The following ALG14 variants were observed in gnomAD, a reference collection of about 807,000 sequenced individuals.
ALG14 encodes UDP-N-acetylglucosamine transferase subunit ALG14.
Under a neutral mutation model 22.8 loss-of-function variants are expected in ALG14, and 17 were observed. That is an observed-to-expected ratio of 0.75 (90% CI 0.51 to 1.12). ALG14 has a LOEUF of 1.12. Ranked by LOEUF, ALG14 falls within the 50% of genes most tolerant of loss-of-function variation. The pLI, the probability that ALG14 is intolerant of heterozygous loss-of-function variation, is 0.00. For synonymous variants in ALG14, 89 were observed against 103.7 expected, an observed-to-expected ratio of 0.86 and a Z score of 0.86; for missense variants, 288 against 271.8, an observed-to-expected ratio of 1.06 and a Z score of -0.42.
intron 2 of ALG14, among the ~76,000 whole-genome samples, chr1:95,057,263 A>G (rs1196699336): frequency 6.6e-6 from 1 of 151,684 alleles, no homozygotes; most frequent in Non-Finnish European, 1.5e-5. Context: ...ACACACAGTT[A>G]GTCCTCCAGA....
intron 3 of ALG14, among the ~76,000 whole-genome samples, chr1:95,011,128 A>G (rs904986994): frequency 6.6e-6 from 1 of 152,192 alleles, no homozygotes; most frequent in Non-Finnish European, 1.5e-5. Flanking sequence ...CCTGCTATGG[A>G]CTGAATATCT....
intron 3 of ALG14, among the ~76,000 whole-genome samples, chr1:95,007,518 C>T (rs1038940482): frequency 6.6e-6 from 1 of 152,218 alleles, no homozygotes; most frequent in African/African-American, 2.4e-5. Flanking sequence ...TAGTGAACCT[C>T]GGCTTTAGCC....
Position 95,071,087 on chromosome 1 carries a change from A to T in ALG14, c.136+1676T>A, listed in dbSNP as rs547060486. Among the ~76,000 whole-genome samples, 4 of 152,262 alleles carry T rather than the reference A, an allele frequency of 2.6e-5. No homozygotes were observed. In the East Asian group the frequency reaches 7.7e-4, roughly 29 times the overall value. On this transcript the variant is annotated intron_variant, in intron 1 of 3. Coordinates refer to ENST00000370205, the MANE Select transcript of ALG14 (RefSeq NM_144988.4). ...TATTTAATCTCTCCTGTCCTCTCTC[A>T]ACCCATGTAGAAACAGAAGGTTCAG...
At chr1:94,987,928 G>T (rs1337572225) in intron 3 of ALG14, among the ~76,000 whole-genome samples, 28 of 152,182 alleles carry the variant, frequency 1.8e-4, no homozygotes, top group Non-Finnish European at 2.9e-5. Context: ...CCAACTCTAA[G>T]GCACTGGCCC....
chr1:95,012,108 T>C (rs1448738267), intron 3 of ALG14, among the ~76,000 whole-genome samples: 1 of 152,234 alleles, frequency 6.6e-6, no homozygotes, highest in African/African-American at 2.4e-5. Flanking sequence ...TCTGCTGCCA[T>C]GTAAAACGTG....
chr1:94,985,378 T>C (rs1672616227), intron 3 of ALG14, among the ~76,000 whole-genome samples: 1 of 152,214 alleles, frequency 6.6e-6, no homozygotes, highest in Non-Finnish European at 1.5e-5. Context: ...ATCCCTGGCC[T>C]CTACCCACAA....
At position 94,977,519 on chromosome 1, in the gene ALG14, T is replaced by A. The variant is rs1427769002; in HGVS notation, c.*5557A>T. On this transcript the variant is annotated 3_prime_UTR_variant, in exon 4 of 4. Coordinates refer to ENST00000370205, the MANE Select transcript of ALG14 (RefSeq NM_144988.4). ...GTATAGTTTTCCAGATGCTACAAGA[T>A]GTGTGATGATATTGTTCTGACAGCC... 6.6e-6 allele frequency: 1 copy of A among 152,242 alleles called. No homozygotes were observed. The highest frequency in any genetic ancestry group is 1.5e-5 in the Non-Finnish European group (1 of 68,034). The allele number at this position is 152,242 out of a possible 1,614,324, so 9.4% of individuals were successfully genotyped here.
chr1:95,021,040 A>T (rs1456910307), intron 3 of ALG14, among the ~76,000 whole-genome samples: 1 of 152,230 alleles, frequency 6.6e-6, no homozygotes, highest in Admixed American at 6.5e-5. Flanking sequence ...AATATTTAAC[A>T]CTTTAGAAAC....
At chr1:95,026,152 T>C (rs1226427455) in intron 3 of ALG14, among the ~76,000 whole-genome samples, 1 of 152,166 alleles carries the variant, frequency 6.6e-6, no homozygotes, top group Non-Finnish European at 1.5e-5. Flanking sequence ...CAGGATGGCC[T>C]TGATCTCCTA....
rs530373443 is a variant in ALG14 at position 94,987,813 on chromosome 1, C to T, written c.421-4507G>A. On this transcript the variant is annotated intron_variant, in intron 3 of 3. Transcript: ENST00000370205. The stretch of plus-strand genomic sequence containing the variant: ...GGGTTGGTTTGTAGGTCAGAGATCA[C>T]GGAGTTGAGGGTGACCCGAGAGAGC... Among the ~76,000 whole-genome samples, 53 of 152,216 alleles carry T rather than the reference C, an allele frequency of 3.5e-4. 1 individual carries two copies. The highest frequency in any genetic ancestry group is 1.2e-3 in the African/African-American group (51 of 41,526).
chr1:95,057,157 T>A (rs560897241), intron 2 of ALG14, among the ~76,000 whole-genome samples: 2 of 150,140 alleles, frequency 1.3e-5, no homozygotes, highest in African/African-American at 4.9e-5. Context: ...TAAATAAATA[T>A]ATATATACAT....
At chr1:95,029,284 T>G (rs183501558) in intron 2 of ALG14, among the ~76,000 whole-genome samples, 2 of 152,354 alleles carry the variant, frequency 1.3e-5, no homozygotes, top group Admixed American at 1.3e-4. Context: ...ATAGGGCTCC[T>G]TAATTAAGTG....
intron 2 of ALG14, among the ~76,000 whole-genome samples, chr1:95,028,756 G>A (rs908673393): frequency 2.0e-5 from 3 of 152,040 alleles, no homozygotes; most frequent in South Asian, 2.1e-4. Context: ...CAGAGATCAT[G>A]CCACTGCACT....
chr1:95,039,162 CA>C (rs1674304030), intron 2 of ALG14, among the ~76,000 whole-genome samples: 1 of 152,070 alleles, frequency 6.6e-6, no homozygotes, highest in African/African-American at 2.4e-5. Context: ...GCAGCGTGTT[CA>C]GAGCTGAGAG....
Position 95,024,661 on chromosome 1 carries a change from C to T in ALG14, c.420+2468G>A, listed in dbSNP as rs540401636. On this transcript the variant is annotated intron_variant, in intron 3 of 3. Coordinates refer to ENST00000370205, the MANE Select transcript of ALG14 (RefSeq NM_144988.4). ...AATAGCGAGCCATTTTCACAGATCA[C>T]CTCAGTCCACTCAGGGGTAGAGCTG... 2.6e-5 allele frequency among the ~76,000 whole-genome samples: 4 copies of T among 152,262 alleles called. No homozygotes were observed. The East Asian group carries it at 5.8e-4, about 22-fold the overall frequency.
Position 95,000,906 on chromosome 1 carries a change from C to T in ALG14, c.421-17600G>A, listed in dbSNP as rs192129115. On this transcript the variant is annotated intron_variant, in intron 3 of 3. Coordinates refer to ENST00000370205, the MANE Select transcript of ALG14 (RefSeq NM_144988.4). Reference sequence around the variant, plus strand: ...GAATGACCAATTCCACCTCAGGCTGCGCCTGATCAAAAAATGGCAGTTAAC... The same window carrying T: ...GAATGACCAATTCCACCTCAGGCTGTGCCTGATCAAAAAATGGCAGTTAAC... Among the ~76,000 whole-genome samples, 493 of 152,236 alleles carry T rather than the reference C, an allele frequency of 3.2e-3. 1 individual carries two copies. The highest frequency in any genetic ancestry group is 0.011 in the African/African-American group (471 of 41,538).
At chr1:95,021,693 T>C (rs1673667762) in intron 3 of ALG14, among the ~76,000 whole-genome samples, 2 of 152,158 alleles carry the variant, frequency 1.3e-5, no homozygotes. Context: ...TTTCAAAGGC[T>C]TCCCTTCTCT....
intron 2 of ALG14, among the ~76,000 whole-genome samples, chr1:95,044,775 A>C (rs1674491764): frequency 6.6e-6 from 1 of 152,136 alleles, no homozygotes; most frequent in African/African-American, 2.4e-5. Flanking sequence ...ATGATGGCAG[A>C]CATTTTTTTG....
chr1:95,012,724 T>C (rs2100751341), intron 3 of ALG14, among the ~76,000 whole-genome samples: 1 of 152,306 alleles, frequency 6.6e-6, no homozygotes, highest in African/African-American at 2.4e-5. Flanking sequence ...TTAGAATCAG[T>C]GAATCAGAGA....
Sources: allele counts gnomAD v4.1 joint callset (sites outside exome capture counted in the v4.1 genomes callset), GRCh38; gene constraint gnomAD v4.1.1; transcripts MANE v1.5; gene names NCBI Gene and HGNC (gene_info 2026-07-23, HGNC 2026-07-21).